ZNF430: variants seen among roughly 807,000 people sequenced by gnomAD.
The protein encoded by ZNF430 is zinc finger protein 430.
ZNF430 carries 35 observed loss-of-function variants against 56.7 expected under a neutral mutation model. The observed-to-expected ratio is 0.62, with a 90% CI of 0.47 to 0.82. The LOEUF (loss-of-function observed/expected upper bound fraction) is 0.82. Ranked by LOEUF, ZNF430 falls within the 40% of genes least tolerant of loss-of-function variation. The pLI, the probability that ZNF430 is intolerant of heterozygous loss-of-function variation, is 0.00. For missense variants in ZNF430, 574 were observed against 661.0 expected, an observed-to-expected ratio of 0.87 and a Z score of 1.44; for synonymous variants, 212 against 224.3, an observed-to-expected ratio of 0.94 and a Z score of 0.49.
rs1968077051 is a variant in ZNF430, at chr19:21,040,121, A to C, written c.322+5937A>C. On this transcript the variant is annotated intron_variant, in intron 4 of 4. Coordinates refer to ENST00000261560, the MANE Select transcript of ZNF430 (RefSeq NM_025189.4). ...CCAAATTGTTGGGATTAGATGTATCAGCCACTACTCCCAGGTGGTATTCTT... is the reference window on the plus strand; with the variant it reads ...CCAAATTGTTGGGATTAGATGTATCCGCCACTACTCCCAGGTGGTATTCTT... Among the ~76,000 whole-genome samples, 4 of 152,202 alleles carry C rather than the reference A, an allele frequency of 2.6e-5. No individual in the cohort carries two copies. The South Asian group carries it at 8.3e-4, about 32-fold the overall frequency.
chr19:21,049,309 G>A (rs1968241630), intron 4 of ZNF430, among the ~76,000 whole-genome samples: 2 of 150,814 alleles, frequency 1.3e-5, no homozygotes, highest in Non-Finnish European at 2.9e-5. Context: ...TCTATTAACA[G>A]ATTTATATCT....
At chr19:21,036,980 C>G (rs976220470) in intron 4 of ZNF430, among the ~76,000 whole-genome samples, 1 of 148,398 alleles carries the variant, frequency 6.7e-6, no homozygotes, top group African/African-American at 2.5e-5. Context: ...CTTCCACTTT[C>G]TGTTTTTATG....
At chr19:21,029,289 A>G (rs1413358381) in intron 2 of ZNF430, among the ~76,000 whole-genome samples, 1 of 152,218 alleles carries the variant, frequency 6.6e-6, no homozygotes, top group Non-Finnish European at 1.5e-5. Flanking sequence ...GTTACTTCTG[A>G]TACCATCAGC....
At chr19:21,021,234 C>G (rs1967676432) in intron 1 of ZNF430, among the ~76,000 whole-genome samples, 2 of 152,100 alleles carry the variant, frequency 1.3e-5, no homozygotes, top group Non-Finnish European at 2.9e-5. Context: ...AGGGGTGGCT[C>G]ACGTCTGTAA....
At chr19:21,035,267 T>C (rs1967975882) in intron 4 of ZNF430, 1 of 152,212 alleles carries the variant, frequency 6.6e-6, no homozygotes, top group African/African-American at 2.4e-5. Flanking sequence ...GTTGTAAAGA[T>C]TTTTTACTTC....
At chr19:21,030,855 A>G (rs1023175113) in intron 2 of ZNF430, among the ~76,000 whole-genome samples, 2 of 128,218 alleles carry the variant, frequency 1.6e-5, no homozygotes, top group Admixed American at 1.7e-4. Context: ...CTAAGTGGTT[A>G]TCAGCCCCGT....
intron 4 of ZNF430, among the ~76,000 whole-genome samples, chr19:21,044,092 T>C (rs1968149981): frequency 6.6e-6 from 1 of 151,526 alleles, no homozygotes; most frequent in Non-Finnish European, 1.5e-5. Flanking sequence ...TCTTGCCTGA[T>C]TTTCCTGGCC....
chr19:21,047,973 C>T lies in ZNF430; in HGVS notation c.323-8658C>T, dbSNP rs1300681647. Among the ~76,000 whole-genome samples the T allele has an allele frequency of 2.6e-5, 4 of 152,220 alleles. No individual in the cohort carries two copies. In the East Asian group the frequency reaches 7.7e-4, roughly 29 times the overall value. ...GTCTGCTGATCTGCAGAAACCACCT[C>T]ATTGTTCCTGTTTTATGTATTTCTT... On this transcript the variant is annotated intron_variant, in intron 4 of 4. Transcript: ENST00000261560.
Position 21,057,736 on chromosome 19 carries a change from G to A in ZNF430, c.1428G>A (p.Lys476=). ...GGTCCCCAAAACTTACTGCACATAA[G>A]GTAATTCATTCTGGAGAGAAACCCT... The part of the protein sequence containing the change: ...FNRSPKLTAH[K]VIHSGEKPYK... The change falls in exon 5 of 5, where the codon AAG becomes AAA. Residue 476 remains lysine, a synonymous_variant. Transcript: ENST00000261560. 2 of 1,604,984 alleles carry A rather than the reference G, an allele frequency of 1.2e-6. No individual in the cohort carries two copies. The highest frequency in any genetic ancestry group is 1.7e-5 in the Admixed American group (1 of 58,732).
At chr19:21,042,661 G>A (rs1008820039) in intron 4 of ZNF430, among the ~76,000 whole-genome samples, 1 of 151,988 alleles carries the variant, frequency 6.6e-6, no homozygotes, top group African/African-American at 2.4e-5. Context: ...GGTGGCGGAC[G>A]CCTGTGGTCC....
rs773702221 is a variant in ZNF430, at chr19:21,056,929, T to TA, written c.627dup (p.Cys210MetfsTer2). 16 of 1,613,056 alleles carry TA rather than the reference T, an allele frequency of 9.9e-6. No homozygotes were observed. The highest frequency in any genetic ancestry group is 1.3e-5 in the Non-Finnish European group (15 of 1,179,648). ...ATACTGGAAAGAAGCCTTTCAAATG[T>TA]AAAAAATGTGACAAATCGTTTTGCA... On this transcript the variant is annotated frameshift_variant, in exon 5 of 5. Transcript: ENST00000261560. LOFTEE classifies it high-confidence loss of function.
intron 2 of ZNF430, among the ~76,000 whole-genome samples, chr19:21,032,091 G>A (rs1967912892): frequency 6.6e-6 from 1 of 152,120 alleles, no homozygotes; most frequent in Non-Finnish European, 1.5e-5. Flanking sequence ...GGGGAAAGCT[G>A]GGGTCCCTAG....
intron 4 of ZNF430, among the ~76,000 whole-genome samples, chr19:21,054,577 T>C (rs1968337324): frequency 6.6e-6 from 1 of 152,060 alleles, no homozygotes; most frequent in African/African-American, 2.4e-5. Context: ...TGTTTTTGTC[T>C]GTGACTTTTG....
At chr19:21,043,177 A>C (rs117860363) in intron 4 of ZNF430, among the ~76,000 whole-genome samples, 5 of 152,106 alleles carry the variant, frequency 3.3e-5, no homozygotes, top group African/African-American at 9.7e-5. Context: ...TGACGTTTTC[A>C]TGATGAAATC....
intron 4 of ZNF430, among the ~76,000 whole-genome samples, chr19:21,041,174 C>A (rs1198774879): frequency 6.6e-6 from 1 of 152,146 alleles, no homozygotes; most frequent in Non-Finnish European, 1.5e-5. Flanking sequence ...GTCAACCAAG[C>A]TGGTTTGCAG....
chr19:21,021,782 C>T (rs891778336), intron 1 of ZNF430, among the ~76,000 whole-genome samples: 9 of 141,388 alleles, frequency 6.4e-5, no homozygotes, highest in African/African-American at 2.6e-4. Flanking sequence ...AATTTTGTGT[C>T]TTTCAATGTA....
intron 4 of ZNF430, among the ~76,000 whole-genome samples, chr19:21,039,208 T>G (rs1202908407): frequency 1.3e-5 from 2 of 152,058 alleles, no homozygotes; most frequent in Non-Finnish European, 2.9e-5. Context: ...ACCAGCCTCC[T>G]GAAGTGCTGG....
chr19:21,030,909 A>T (rs1967891060), intron 2 of ZNF430, among the ~76,000 whole-genome samples: 1 of 151,784 alleles, frequency 6.6e-6, no homozygotes, highest in Non-Finnish European at 1.5e-5. Context: ...TTGAGACAGG[A>T]TCTCACTCTG....
rs747377012 is a variant in ZNF430, at chr19:21,033,419, T to A, written c.97-37T>A. On this transcript the variant is annotated intron_variant, in intron 2 of 4. Coordinates refer to ENST00000261560, the MANE Select transcript of ZNF430 (RefSeq NM_025189.4). ...ATAAATTCTGCCCGTGGCCACTTGGTAAATATACGTGTGTCTTGTGTGCTT... is the reference window on the plus strand; with the variant it reads ...ATAAATTCTGCCCGTGGCCACTTGGAAAATATACGTGTGTCTTGTGTGCTT... 10 of 1,578,910 alleles carry A rather than the reference T, an allele frequency of 6.3e-6. No individual in the cohort carries two copies. In the South Asian group the frequency reaches 1.2e-4, roughly 18 times the overall value.
Sources: allele counts gnomAD v4.1 joint callset (sites outside exome capture counted in the v4.1 genomes callset), GRCh38; gene constraint gnomAD v4.1.1; transcripts MANE v1.5; gene names NCBI Gene and HGNC (gene_info 2026-07-23, HGNC 2026-07-21).